CRPPA: variants seen among roughly 807,000 people sequenced by gnomAD.
The protein encoded by CRPPA is D-ribitol-5-phosphate cytidylyltransferase.
A neutral mutation model predicts 52.0 loss-of-function variants in CRPPA; 43 were observed. The ratio of observed to expected loss-of-function variants is 0.83; its 90% CI spans 0.65 to 1.07. The LOEUF (loss-of-function observed/expected upper bound fraction) is 1.07, where lower values mean the gene tolerates loss of function less well. CRPPA is among the 50% of genes least tolerant of loss of function. CRPPA has a pLI of 0.00. For missense variants in CRPPA, 629 were observed against 551.7 expected, an observed-to-expected ratio of 1.14 and a Z score of -1.40; for synonymous variants, 250 against 203.5, an observed-to-expected ratio of 1.23 and a Z score of -1.94.
intron 3 of CRPPA, among the ~76,000 whole-genome samples, chr7:16,374,686 T>C (rs1177241807): frequency 6.6e-6 from 1 of 152,068 alleles, no homozygotes; most frequent in Non-Finnish European, 1.5e-5. Context: ...GGATGAACTA[T>C]CCATATTCCC....
At chr7:16,344,829 C>CA (rs375662926) in intron 3 of CRPPA, among the ~76,000 whole-genome samples, 40 of 137,642 alleles carry the variant, frequency 2.9e-4, no homozygotes, top group African/African-American at 5.6e-4. Flanking sequence ...AATAGAAGGA[C>CA]AAAAAAAAAA....
intron 5 of CRPPA, among the ~76,000 whole-genome samples, chr7:16,298,307 G>A (rs1784715864): frequency 1.3e-5 from 2 of 152,056 alleles, no homozygotes. Context: ...TTCAGATAAG[G>A]GAATTTGTAC....
chr7:16,345,875 A>G (rs1462000337), intron 3 of CRPPA, among the ~76,000 whole-genome samples: 1 of 152,164 alleles, frequency 6.6e-6, no homozygotes, highest in African/African-American at 2.4e-5. Context: ...CCAGAGTCCA[A>G]ATGATTTCCT....
chr7:16,206,206 G>A (rs891173033), intron 9 of CRPPA, among the ~76,000 whole-genome samples: 1 of 151,842 alleles, frequency 6.6e-6, no homozygotes, highest in East Asian at 1.9e-4. Flanking sequence ...TATTTTTTTT[G>A]TTACCTTACT....
chr7:16,270,602 T>C (rs1784068652), intron 6 of CRPPA: 1 of 152,126 alleles, frequency 6.6e-6, no homozygotes, highest in Admixed American at 6.5e-5. Context: ...CAAATGGATT[T>C]AATGAGATGG....
intron 3 of CRPPA, among the ~76,000 whole-genome samples, chr7:16,348,788 C>T (rs1413515290): frequency 6.6e-6 from 1 of 152,308 alleles, no homozygotes; most frequent in East Asian, 1.9e-4. Context: ...AGCCTTTCCT[C>T]TGGTTCACCC....
chr7:16,406,361 T>C, intron 1 of CRPPA, 24 bp from the exon 2 acceptor site: 1 of 1,586,608 alleles, frequency 6.3e-7, no homozygotes. Context: ...ATATGTACAA[T>C]TCGTAAATTA....
At chr7:16,097,765 G>T (rs929462129) in intron 9 of CRPPA, among the ~76,000 whole-genome samples, 3 of 152,280 alleles carry the variant, frequency 2.0e-5, no homozygotes, top group African/African-American at 7.2e-5. Context: ...TTTCACAGAA[G>T]ATTGGAAATG....
chr7:16,104,774 C>T (rs945013639), intron 9 of CRPPA, among the ~76,000 whole-genome samples: 5 of 151,994 alleles, frequency 3.3e-5, no homozygotes, highest in Admixed American at 1.3e-4. Context: ...GTGGCGTGCG[C>T]CTGTAGTCCC....
At chr7:16,418,079 C>T (rs1211735603) in intron 1 of CRPPA, among the ~76,000 whole-genome samples, 1 of 152,132 alleles carries the variant, frequency 6.6e-6, no homozygotes, top group Non-Finnish European at 1.5e-5. Flanking sequence ...ACTTTTGGCC[C>T]CATACCCTAA....
intron 1 of CRPPA, among the ~76,000 whole-genome samples, chr7:16,414,700 C>G (rs1399430794): frequency 6.6e-6 from 1 of 152,142 alleles, no homozygotes; most frequent in Admixed American, 6.5e-5. Flanking sequence ...AAGGCGAAAA[C>G]TAAGATTCCC....
chr7:16,109,426 C>T (rs1782217351), intron 9 of CRPPA, among the ~76,000 whole-genome samples: 1 of 151,852 alleles, frequency 6.6e-6, no homozygotes, highest in South Asian at 2.1e-4. Context: ...AAAAGTCTCC[C>T]ACCAAGGAAA....
intron 3 of CRPPA, among the ~76,000 whole-genome samples, chr7:16,338,523 T>C (rs1785743268): frequency 7.3e-6 from 1 of 136,388 alleles, no homozygotes; most frequent in South Asian, 2.3e-4. Context: ...CATAGATTAT[T>C]AACCTGGCTA....
chr7:16,235,843 T>C (rs1782937189), intron 8 of CRPPA: 1 of 152,074 alleles, frequency 6.6e-6, no homozygotes. Flanking sequence ...TACAGTGAAA[T>C]GATCACTAGG....
chr7:16,300,893 A>T (rs1021899170), intron 5 of CRPPA, among the ~76,000 whole-genome samples: 1 of 152,196 alleles, frequency 6.6e-6, no homozygotes, highest in East Asian at 1.9e-4. Flanking sequence ...TGAGTCGGAG[A>T]TGAAAAAGAA....
At chr7:16,221,808 G>A (rs1309523443) in intron 8 of CRPPA, among the ~76,000 whole-genome samples, 3 of 150,040 alleles carry the variant, frequency 2.0e-5, no homozygotes, top group East Asian at 3.9e-4. Context: ...AGGTGCTGGA[G>A]AGGATGTGGA....
chr7:16,305,949 A>T (rs907638745), intron 4 of CRPPA, among the ~76,000 whole-genome samples: 1 of 152,172 alleles, frequency 6.6e-6, no homozygotes, highest in African/African-American at 2.4e-5. Context: ...TCAAGATACA[A>T]GTAGGACCCT....
At chr7:16,211,259 A>C (rs566256850) in intron 9 of CRPPA, among the ~76,000 whole-genome samples, 10 of 152,334 alleles carry the variant, frequency 6.6e-5, no homozygotes, top group African/African-American at 2.4e-4. Flanking sequence ...CAAAATTACA[A>C]ATTTTTGAAA....
chr7:16,354,641 A>C (rs1786249802), intron 3 of CRPPA, among the ~76,000 whole-genome samples: 1 of 152,158 alleles, frequency 6.6e-6, no homozygotes, highest in Admixed American at 6.5e-5. Context: ...TGATGGACAT[A>C]AAATTTTTCC....
Sources: allele counts gnomAD v4.1 joint callset (sites outside exome capture counted in the v4.1 genomes callset), GRCh38; gene constraint gnomAD v4.1.1; transcripts MANE v1.5; gene names NCBI Gene and HGNC (gene_info 2026-07-23, HGNC 2026-07-21).